The following RAB11FIP5 variants were observed in gnomAD, a reference collection of about 807,000 sequenced individuals.
RAB11FIP5 encodes rab11 family-interacting protein 5.
RAB11FIP5 carries 48 observed loss-of-function variants against 85.1 expected under a neutral mutation model. The ratio of observed to expected loss-of-function variants is 0.56; its 90% CI spans 0.45 to 0.72. The LOEUF (loss-of-function observed/expected upper bound fraction) is 0.72, where lower values mean the gene tolerates loss of function less well. Ranked by LOEUF, RAB11FIP5 falls within the 30% of genes least tolerant of loss-of-function variation. RAB11FIP5 has a pLI of 0.00. For synonymous variants in RAB11FIP5, 729 were observed against 727.3 expected, an observed-to-expected ratio of 1.00 and a Z score of -0.04; for missense variants, 1,491 against 1,687.0, an observed-to-expected ratio of 0.88 and a Z score of 2.04.
At position 73,081,824 on chromosome 2, in the gene RAB11FIP5, T is replaced by C. The variant is rs1001169322; in HGVS notation, c.1569-161A>G. Among the ~76,000 whole-genome samples, 1 of 152,076 alleles carries C rather than the reference T, an allele frequency of 6.6e-6. No individual in the cohort carries two copies. The highest frequency in any genetic ancestry group is 6.5e-5 in the Admixed American group (1 of 15,278). On this transcript the variant is annotated intron_variant, in intron 3 of 5. Transcript: ENST00000486777. The surrounding 1 kb of genome is among the most constrained non-coding windows in gnomAD (Gnocchi z 4.2). Reference sequence around the variant, plus strand: ...AGGGTACAGAGGGAAGACCCCAACATGTAACATTATCAAGTGCCTCCCAAG... The same window carrying C: ...AGGGTACAGAGGGAAGACCCCAACACGTAACATTATCAAGTGCCTCCCAAG...
intron 1 of RAB11FIP5, among the ~76,000 whole-genome samples, chr2:73,100,030 G>A (rs919409784): frequency 2.0e-5 from 3 of 152,208 alleles, no homozygotes; most frequent in Admixed American, 2.0e-4. Flanking sequence ...GGGTGGGAGA[G>A]TCTTCTAAAA....
chr2:73,112,769 C>G lies in RAB11FIP5; in HGVS notation c.9G>C (p.Leu3=). ...CCGCCGCCGGCTCCGCGCCCCGCAC[C>G]AGGGCCATGGCGGAGAAGCGGGGGG... is the stretch of plus-strand genomic sequence containing the variant. MA[L]VRGAEPAAGP... is the part of the protein sequence containing the mutation. Residue 3 remains leucine, a synonymous_variant, in exon 1 of 6, where the codon CTG becomes CTC. Transcript: ENST00000486777. 6.9e-7 allele frequency: 1 copy of G among 1,448,708 alleles called. No homozygotes were observed. Among genetic ancestry groups the G allele is most frequent in the East Asian group, 2.7e-5 (1 of 36,500 alleles). 89.7% of individuals were successfully genotyped at this position (1,448,708 alleles called of 1,614,324 possible).
chr2:73,084,589 G>A (rs1268017002), intron 3 of RAB11FIP5, among the ~76,000 whole-genome samples: 1 of 152,182 alleles, frequency 6.6e-6, no homozygotes, highest in Non-Finnish European at 1.5e-5. Flanking sequence ...AGGAAGCTCT[G>A]AACAATTGGT....
At chr2:73,077,334 T>A (rs1351867355) in intron 4 of RAB11FIP5, among the ~76,000 whole-genome samples, 3 of 152,124 alleles carry the variant, frequency 2.0e-5, no homozygotes, top group African/African-American at 7.2e-5. Context: ...GCCTCGGCCT[T>A]AACAATCAAG....
intron 1 of RAB11FIP5, among the ~76,000 whole-genome samples, chr2:73,090,157 G>A (rs765711436): frequency 2.6e-5 from 4 of 152,154 alleles, no homozygotes; most frequent in Non-Finnish European, 4.4e-5. Flanking sequence ...AGGCTCAGTG[G>A]TAAAGGAACC....
chr2:73,080,531 G>C lies in RAB11FIP5; in HGVS notation c.2701C>G (p.Pro901Ala), dbSNP rs543542433. The C allele has an allele frequency of 8.1e-7, 1 of 1,232,800 alleles. No homozygotes were observed. Among genetic ancestry groups the C allele is most frequent in the East Asian group, 3.2e-5 (1 of 31,706 alleles). The allele number at this position is 1,232,800 out of a possible 1,614,324, so 76.4% of individuals were successfully genotyped here. The change falls in exon 4 of 6, where the codon CCT (proline) becomes GCT (alanine). Residue 901 changes from proline (P) to alanine (A), a missense_variant. This residue lies in a region of RAB11FIP5 where 1,211 missense variants were observed against 1,338.0 expected (regional missense o/e 0.91). Transcript: ENST00000486777. ...GTGAAGAGGCGCGGTGGCTTGGGAG[G>C]TGGGGTGCTGGGCTGCAGCCCCTTG... ...SDKGLQPSTPPPKPPRLFTPS... is the reference protein window; with the variant it reads ...SDKGLQPSTPAPKPPRLFTPS...
intron 1 of RAB11FIP5, among the ~76,000 whole-genome samples, chr2:73,095,953 T>C (rs1301216078): frequency 6.6e-6 from 1 of 152,140 alleles, no homozygotes; most frequent in East Asian, 1.9e-4. Context: ...CTCAAAACCT[T>C]GTCCGAGAGC....
At chr2:73,095,887 A>C (rs1684308773) in intron 1 of RAB11FIP5, among the ~76,000 whole-genome samples, 1 of 152,172 alleles carries the variant, frequency 6.6e-6, no homozygotes, top group African/African-American at 2.4e-5. Flanking sequence ...ATCCCAGAGC[A>C]CAGAGCCCTG....
intron 1 of RAB11FIP5, among the ~76,000 whole-genome samples, chr2:73,095,764 A>T (rs1475463746): frequency 1.3e-5 from 2 of 152,212 alleles, no homozygotes; most frequent in African/African-American, 4.8e-5. Flanking sequence ...CTTTCAGAAA[A>T]GCAGAATGCA....
chr2:73,100,572 T>C (rs1007729649), intron 1 of RAB11FIP5, among the ~76,000 whole-genome samples: 1 of 151,822 alleles, frequency 6.6e-6, no homozygotes, highest in Non-Finnish European at 1.5e-5. Context: ...ATTAAAGGCA[T>C]GTGCTACCAC....
Position 73,075,767 on chromosome 2 carries a change from TGCCTGCCTGCCTGCCCGCTTGCCCGCCC to T in RAB11FIP5, c.3772-71_3772-44del. On this transcript the variant is annotated intron_variant, in intron 5 of 5. Transcript: ENST00000486777. This position sits in a 1 kb window ranked among gnomAD's most constrained non-coding sequence, Gnocchi z 4.6. ...ACAGTGAGCAGGGCAGCCCTAGGCC[TGCCTGCCTGCCTGCCCGCTTGCCCGCCC>T]GCCCGCCTGCCCACCAACACCTAAG... is the stretch of plus-strand genomic sequence containing the variant. The T allele has an allele frequency of 6.6e-7, 1 of 1,512,802 alleles. No individual in the cohort carries two copies. Among genetic ancestry groups the T allele is most frequent in the Middle Eastern group, 2.3e-4 (1 of 4,402 alleles). 93.7% of individuals were successfully genotyped at this position (1,512,802 alleles called of 1,614,324 possible).
Position 73,077,263 on chromosome 2 carries a change from C to G in RAB11FIP5, c.3582-1081G>C, listed in dbSNP as rs369969048. On this transcript the variant is annotated intron_variant, in intron 4 of 5. Coordinates refer to ENST00000486777, the MANE Select transcript of RAB11FIP5 (RefSeq NM_001371272.1). ...CCCTAGCAGTGAGGAGCACCTCTGG[C>G]CCCCACTGGCTCAGGTCAGAAAGTC... is the stretch of plus-strand genomic sequence containing the variant. 7.9e-4 allele frequency among the ~76,000 whole-genome samples: 120 copies of G among 152,310 alleles called. No homozygotes were observed. In the Middle Eastern group the frequency reaches 0.014, roughly 17 times the overall value.
rs142965971 is a variant in RAB11FIP5 at position 73,088,959 on chromosome 2, C to G, written c.788G>C (p.Gly263Ala). Residue 263 changes from glycine to alanine, a missense_variant, in exon 2 of 6, where the codon GGG (glycine) becomes GCG (alanine). Around this residue, in one of 3 missense-constraint regions of RAB11FIP5, gnomAD observed 1,211 missense variants for 1,338.0 expected, o/e 0.91. Coordinates refer to ENST00000486777, the MANE Select transcript of RAB11FIP5 (RefSeq NM_001371272.1). The stretch of plus-strand genomic sequence containing the variant: ...GCCAGGTCCCTGGTAGGCCAAGCTC[C>G]CGCTGGCTGAGGACAGGGTGCTGTC... ...GSDSTLSSAS[G>A]SLAYQGPGAE... 84 of 1,613,316 alleles carry G rather than the reference C, an allele frequency of 5.2e-5. No homozygotes were observed. The African/African-American group carries it at 1.1e-3, about 21-fold the overall frequency.
intron 1 of RAB11FIP5, among the ~76,000 whole-genome samples, chr2:73,104,201 G>A (rs1288778859): frequency 6.6e-6 from 1 of 152,232 alleles, no homozygotes; most frequent in East Asian, 1.9e-4. Flanking sequence ...AGAGGAGCTA[G>A]GTGACTTAAG....
intron 1 of RAB11FIP5, among the ~76,000 whole-genome samples, chr2:73,109,591 G>A (rs913887346): frequency 6.6e-6 from 1 of 152,196 alleles, no homozygotes; most frequent in Admixed American, 6.5e-5. Context: ...GCAGCTCCAG[G>A]CAGGGCTGCC....
chr2:73,087,709 G>A (rs1684116035), intron 3 of RAB11FIP5, among the ~76,000 whole-genome samples: 1 of 152,210 alleles, frequency 6.6e-6, no homozygotes, highest in Non-Finnish European at 1.5e-5. Context: ...GAGGGCAAGA[G>A]GTGGAGGTCA....
rs1683849440 is a variant in RAB11FIP5 at position 73,075,905 on chromosome 2, T to C, written c.3771+88A>G. 10 of 1,510,274 alleles carry C rather than the reference T, an allele frequency of 6.6e-6. No individual in the cohort carries two copies. Among genetic ancestry groups the C allele is most frequent in the Non-Finnish European group, 9.0e-6 (10 of 1,111,020 alleles). 93.6% of individuals were successfully genotyped at this position (1,510,274 alleles called of 1,614,324 possible). ...GGACTCTGATATGGGGGACCTGGCC[T>C]GCTCCCTGCCCCACCCTCACCAGGA... On this transcript the variant is annotated intron_variant, in intron 5 of 5. Transcript: ENST00000486777. This position sits in a 1 kb window ranked among gnomAD's most constrained non-coding sequence, Gnocchi z 4.6.
At chr2:73,083,333 A>G (rs2106105955) in intron 3 of RAB11FIP5, among the ~76,000 whole-genome samples, 1 of 152,302 alleles carries the variant, frequency 6.6e-6, no homozygotes, top group East Asian at 1.9e-4. Context: ...AAGGAGTCCA[A>G]CTAAACAGAG....
rs981717360 is a variant in RAB11FIP5, at chr2:73,089,601, A to G, written c.432-286T>C. On this transcript the variant is annotated intron_variant, in intron 1 of 5. Coordinates refer to ENST00000486777, the MANE Select transcript of RAB11FIP5 (RefSeq NM_001371272.1). The surrounding 1 kb of genome is among the most constrained non-coding windows in gnomAD (Gnocchi z 4.6). ...ACCACACCATGCCTCCTCCCACCCC[A>G]GGACCTTCTCCTGGTGCTCAGAGAC... 1.4e-5 allele frequency: 7 copies of G among 492,782 alleles called. No individual in the cohort carries two copies. The highest frequency in any genetic ancestry group is 1.9e-5 in the African/African-American group (1 of 51,386). The allele number at this position is 492,782 out of a possible 1,614,324, so 30.5% of individuals were successfully genotyped here.
Sources: gnomAD v4.1 joint callset for allele counts (sites outside exome capture counted in the v4.1 genomes callset) on GRCh38, gnomAD v4.1.1 for gene constraint, gnomAD v4.1.1 regional missense constraint, Gnocchi (gnomAD v3.1) non-coding constraint, MANE v1.5 for transcripts, NCBI Gene and HGNC (gene_info 2026-07-23, HGNC 2026-07-21) for gene names.